RGS22: variants seen among roughly 807,000 people sequenced by gnomAD.
The protein encoded by RGS22 is regulator of G protein signaling 22, also known as regulator of G-protein signaling 22.
In RGS22, 148 loss-of-function variants were observed where a neutral mutation model predicts 172.9. That is an observed-to-expected ratio of 0.86 (90% confidence interval 0.75 to 0.98). The LOEUF (loss-of-function observed/expected upper bound fraction) is 0.98. Among genes scored for constraint, RGS22 ranks in the 50% least tolerant of loss-of-function variants. The pLI is 0.00. For missense variants in RGS22, 1,347 were observed against 1,440.8 expected (o/e 0.93, Z 1.05); for synonymous variants, 458 against 480.2 (o/e 0.95, Z 0.60).
intron 12 of RGS22, among the ~76,000 whole-genome samples, chr8:100,041,224 C>T (rs963354941): frequency 6.6e-6 from 1 of 152,194 alleles, no homozygotes; most frequent in African/African-American, 2.4e-5. Context: ...TGCGGTGGCT[C>T]ATGCCTGTAA....
At chr8:99,990,119 A>T (rs1294163695) in intron 20 of RGS22, among the ~76,000 whole-genome samples, 3 of 152,108 alleles carry the variant, frequency 2.0e-5, no homozygotes, top group Non-Finnish European at 4.4e-5. Context: ...CACACTTCTA[A>T]GGTTGAGCAG....
intron 14 of RGS22, among the ~76,000 whole-genome samples, chr8:100,030,038 G>T (rs774263968): frequency 1.6e-4 from 24 of 152,168 alleles, no homozygotes; most frequent in Non-Finnish European, 3.2e-4. Context: ...ATATTCAAAG[G>T]TGGAAAAACC....
chr8:100,027,406 T>G (rs796790029), intron 14 of RGS22, among the ~76,000 whole-genome samples: 2 of 152,322 alleles, frequency 1.3e-5, no homozygotes, highest in African/African-American at 4.8e-5. Context: ...CAGTGAATGT[T>G]CATTAATAAG....
intron 9 of RGS22, among the ~76,000 whole-genome samples, chr8:100,053,826 A>AG (rs1333090286): frequency 1.3e-5 from 2 of 151,926 alleles, no homozygotes; most frequent in Non-Finnish European, 2.9e-5. Context: ...TAGTAGAGAC[A>AG]GGTTTCACCA....
At chr8:100,027,307 C>A (rs1444003808) in intron 14 of RGS22, among the ~76,000 whole-genome samples, 1 of 152,052 alleles carries the variant, frequency 6.6e-6, no homozygotes, top group African/African-American at 2.4e-5. Context: ...ATCTCCTTCC[C>A]CCACTAGAGA....
chr8:100,055,662 G>A (rs1211232708), intron 9 of RGS22, among the ~76,000 whole-genome samples: 1 of 152,160 alleles, frequency 6.6e-6, no homozygotes, highest in East Asian at 1.9e-4. Context: ...ATGGGGGCAG[G>A]TCTTTCCCAT....
chr8:100,036,627 C>A (rs1252903139), intron 14 of RGS22, among the ~76,000 whole-genome samples: 1 of 152,112 alleles, frequency 6.6e-6, no homozygotes, highest in Non-Finnish European at 1.5e-5. Context: ...GAGTCAGGGT[C>A]TTGTTCTGCC....
chr8:100,004,147 G>A (rs768103518), intron 16 of RGS22, 49 bp from the exon 17 acceptor site: 4 of 1,493,722 alleles, frequency 2.7e-6, no homozygotes, highest in South Asian at 2.9e-5. Flanking sequence ...ACAACAGATT[G>A]TTTACAATTT....
intron 14 of RGS22, among the ~76,000 whole-genome samples, chr8:100,020,604 T>C (rs1817508094): frequency 6.6e-6 from 1 of 152,208 alleles, no homozygotes; most frequent in Non-Finnish European, 1.5e-5. Flanking sequence ...TCCTCCCTTA[T>C]AAGCAATGGT....
chr8:100,095,117 T>C (rs1378848616), intron 2 of RGS22, among the ~76,000 whole-genome samples: 2 of 152,216 alleles, frequency 1.3e-5, no homozygotes, highest in Non-Finnish European at 2.9e-5. Context: ...CATATATTCA[T>C]TTCCAGATGT....
Position 100,106,006 on chromosome 8 carries a change from A to G in RGS22, c.-85T>C. The G allele has an allele frequency of 1.7e-6, 2 of 1,204,992 alleles. No homozygotes were observed. The highest frequency in any genetic ancestry group is 2.1e-6 in the Non-Finnish European group (2 of 971,224). 74.6% of individuals were successfully genotyped at this position (1,204,992 alleles called of 1,614,324 possible). On this transcript the variant is annotated 5_prime_UTR_variant, in exon 1 of 28. Coordinates refer to ENST00000360863, the MANE Select transcript of RGS22 (RefSeq NM_015668.5). ...TCCAGCGCGGGTCAGGGCCTGAGCG[A>G]CGCGGCGACGGCGCGCGGGCTCCGG...
chr8:100,019,351 A>G (rs1817353828), intron 14 of RGS22, among the ~76,000 whole-genome samples: 2 of 152,248 alleles, frequency 1.3e-5, no homozygotes, highest in African/African-American at 2.4e-5. Context: ...ACAGTTTCAC[A>G]TACTTCGTTT....
Position 100,008,515 on chromosome 8 carries a change from G to A in RGS22, c.2221C>T (p.Gln741Ter). The change falls in exon 15 of 28, where the codon CAG becomes TAG. Residue 741 changes from glutamine (Q) to a stop codon, truncating the protein, a stop_gained. Transcript: ENST00000360863. LOFTEE classifies it high-confidence loss of function. ...PSATLDIGLQ[Q>*]EKKKEIYMKI... ...ATATAAATTTCTTTTTTCTTTTCCT[G>A]TTGGAGTCCAATGTCAAGAGTGGCA... 1 of 1,612,452 alleles carries A rather than the reference G, an allele frequency of 6.2e-7. No homozygotes were observed. Among genetic ancestry groups the A allele is most frequent in the Non-Finnish European group, 8.5e-7 (1 of 1,179,636 alleles).
At chr8:100,082,527 G>A (rs1811842504) in intron 3 of RGS22, among the ~76,000 whole-genome samples, 1 of 152,152 alleles carries the variant, frequency 6.6e-6, no homozygotes, top group Non-Finnish European at 1.5e-5. Flanking sequence ...TAAAGGTCGT[G>A]ATGGACACTT....
chr8:100,023,937 T>A (rs1485561281), intron 14 of RGS22: 1 of 152,692 alleles, frequency 6.5e-6, no homozygotes. Flanking sequence ...GCTGCTCCAA[T>A]ACAATTTATT....
Position 100,006,089 on chromosome 8 carries a change from A to G in RGS22, c.2382T>C (p.Thr794=). ...AYKKVELVEE[T]RQLDSTYFRK... is the part of the protein sequence containing the mutation. ...TGAAGTATGTGGAGTCTAACTGTCG[A>G]GTTTCTTCCACCAGCTCCACCTAAA... is the stretch of plus-strand genomic sequence containing the variant. Residue 794 remains threonine (T), a synonymous_variant, in exon 16 of 28, where the codon ACT becomes ACC. Coordinates refer to ENST00000360863, the MANE Select transcript of RGS22 (RefSeq NM_015668.5). 6.2e-7 allele frequency: 1 copy of G among 1,612,916 alleles called. No homozygotes were observed. The highest frequency in any genetic ancestry group is 8.5e-7 in the Non-Finnish European group (1 of 1,179,340).
chr8:100,001,472 A>T (rs1330566783), intron 18 of RGS22, among the ~76,000 whole-genome samples: 1 of 151,774 alleles, frequency 6.6e-6, no homozygotes, highest in East Asian at 1.9e-4. Flanking sequence ...GACCTCAAAC[A>T]ATCTACCTGT....
chr8:99,992,592 T>C (rs193011424), intron 20 of RGS22, among the ~76,000 whole-genome samples: 1 of 152,092 alleles, frequency 6.6e-6, no homozygotes, highest in Non-Finnish European at 1.5e-5. Context: ...ATGCACCCAA[T>C]ACAGGAGCAC....
chr8:100,033,774 T>G (rs1239003769), intron 14 of RGS22, among the ~76,000 whole-genome samples: 1 of 152,150 alleles, frequency 6.6e-6, no homozygotes, highest in Admixed American at 6.6e-5. Context: ...ATGATCAAGT[T>G]GGCTTTTCAT....
Sources: gnomAD v4.1 joint callset for allele counts (sites outside exome capture counted in the v4.1 genomes callset) on GRCh38, gnomAD v4.1.1 for gene constraint, MANE v1.5 for transcripts, NCBI Gene and HGNC (gene_info 2026-07-23, HGNC 2026-07-21) for gene names.